Variants in PER2 observed in about 807,000 individuals in gnomAD.
PER2 encodes period circadian protein homolog 2.
A neutral mutation model predicts 121.0 loss-of-function variants in PER2; 66 were observed. That is an observed-to-expected ratio of 0.55 (90% confidence interval 0.45 to 0.67). PER2 has a LOEUF of 0.67. Among genes scored for constraint, PER2 ranks in the 30% least tolerant of loss-of-function variants. The probability of loss-of-function intolerance (pLI) is 0.00; values close to 1 mark genes in which losing one functional copy is unlikely to be tolerated. For synonymous variants in PER2, 684 were observed against 659.9 expected (o/e 1.04, Z -0.56); for missense variants, 1,521 against 1,635.0 (o/e 0.93, Z 1.20).
At chr2:238,294,933 T>C (rs552946348), upstream of PER2, among the ~76,000 whole-genome samples, 2 of 152,356 alleles carry the variant, frequency 1.3e-5, no homozygotes, top group South Asian at 4.1e-4. Context: ...CCACAAGGAC[T>C]CACAGGTGGG....
In PER2 at chr2:238,261,014, C is replaced by T. The variant is rs147031720; in HGVS notation, c.1417-61G>A. The T allele has an allele frequency of 3.3e-3, 5,281 of 1,580,960 alleles. 13 individuals are homozygous for T. The highest frequency in any genetic ancestry group is 4.2e-3 in the Non-Finnish European group (4,839 of 1,162,122). ...AGGGCTGCTGAGCTATGCATGTGGCCCCCTGCCAACACACCCTGTTTCGCA... is the reference window on the plus strand; with the variant it reads ...AGGGCTGCTGAGCTATGCATGTGGCTCCCTGCCAACACACCCTGTTTCGCA... On this transcript the variant is annotated intron_variant, in intron 12 of 22. Transcript: ENST00000254657.
At position 238,245,634 on chromosome 2, in the gene PER2, CAAG is replaced by C. The variant is rs2106359489; in HGVS notation, c.*738_*740del. 1 of 398,582 alleles carries C rather than the reference CAAG, an allele frequency of 2.5e-6. No homozygotes were observed. The highest frequency in any genetic ancestry group is 3.6e-5 in the East Asian group (1 of 28,082). The allele number at this position is 398,582 out of a possible 1,614,324, so 24.7% of individuals were successfully genotyped here. The stretch of plus-strand genomic sequence containing the variant: ...TGGCCATCATGGTCTGAAAAGGAGA[CAAG>C]AATAATGCAGAAATATACAGAGGGT... On this transcript the variant is annotated 3_prime_UTR_variant, in exon 23 of 23. Coordinates refer to ENST00000254657, the MANE Select transcript of PER2 (RefSeq NM_022817.3).
At chr2:238,297,622 C>T in the PER2 span, among the ~76,000 whole-genome samples, 1 of 152,310 alleles carries the variant, frequency 6.6e-6, no homozygotes, top group East Asian at 1.9e-4. Context: ...AGGGCAGTGG[C>T]AGACTGTGTG....
chr2:238,285,360 T>C (rs895554519), intron 1 of PER2, among the ~76,000 whole-genome samples: 2 of 151,386 alleles, frequency 1.3e-5, no homozygotes, highest in African/African-American at 4.9e-5. Flanking sequence ...GGGGAAGGAG[T>C]GGGGCCAGGA....
chr2:238,247,378 G>A (rs776246277), intron 22 of PER2: 13 of 152,396 alleles, frequency 8.5e-5, no homozygotes, highest in East Asian at 7.7e-4. Context: ...CTGCAAGTGA[G>A]GCTCCTGGAA....
At chr2:238,293,079 T>G (rs1017140463), upstream of PER2, among the ~76,000 whole-genome samples, 1 of 151,834 alleles carries the variant, frequency 6.6e-6, no homozygotes, top group Non-Finnish European at 1.5e-5. Context: ...TGCAGTGGGC[T>G]TTTAATCCAT....
At chr2:238,255,444 T>C (rs1404524892) in intron 18 of PER2, 4 of 630,856 alleles carry the variant, frequency 6.3e-6, no homozygotes, top group Non-Finnish European at 1.1e-5. Context: ...CCTGGGACTA[T>C]TCCCCAGGGA....
intron 21 of PER2, among the ~76,000 whole-genome samples, 191 bp downstream of exon 21, chr2:238,250,360 A>G (rs1382808889): frequency 3.9e-5 from 6 of 152,266 alleles, no homozygotes; most frequent in Non-Finnish European, 2.9e-5. Context: ...GCCACACTGC[A>G]GGGCCAGGGC....
chr2:238,289,445 C>G (rs1265090699), upstream of PER2: 1 of 152,242 alleles, frequency 6.6e-6, no homozygotes, highest in East Asian at 1.9e-4. Context: ...AGTGACCTTT[C>G]TTATTTTTGA....
upstream of PER2, chr2:238,288,984 G>C (rs891426389): frequency 6.6e-6 from 1 of 152,236 alleles, no homozygotes; most frequent in Non-Finnish European, 1.5e-5. Flanking sequence ...CCTCAATGGA[G>C]ACGCGGCGCG....
intron 4 of PER2, among the ~76,000 whole-genome samples, chr2:238,275,318 T>C (rs1421226312): frequency 6.6e-6 from 1 of 152,200 alleles, no homozygotes; most frequent in Non-Finnish European, 1.5e-5. Context: ...ACTGATGGTC[T>C]CTGCCTGCTC....
Position 238,280,376 on chromosome 2 carries a change from T to C in PER2, c.-19-2421A>G, listed in dbSNP as rs148162587. Among the ~76,000 whole-genome samples the C allele has an allele frequency of 2.7e-3, 413 of 152,260 alleles. 3 individuals are homozygous for C. Among genetic ancestry groups the C allele is most frequent in the African/African-American group, 8.9e-3 (369 of 41,562 alleles). ...AGACCTCGCCTTGTTCACAAACTAA[T>C]AAACAGAAGAAAGCCAACACGGGGC... On this transcript the variant is annotated intron_variant, in intron 1 of 22. Transcript: ENST00000254657.
At chr2:238,287,504 C>T (rs1017218303) in intron 1 of PER2, among the ~76,000 whole-genome samples, 1 of 152,178 alleles carries the variant, frequency 6.6e-6, no homozygotes, top group Non-Finnish European at 1.5e-5. Flanking sequence ...CTTTAGCCAC[C>T]GTGTGGGGTT....
chr2:238,256,444 A>G (rs1447424557), intron 17 of PER2, among the ~76,000 whole-genome samples: 1 of 152,240 alleles, frequency 6.6e-6, no homozygotes, highest in Non-Finnish European at 1.5e-5. Flanking sequence ...CATTTTAATC[A>G]TAATATTCTA....
chr2:238,269,075 T>G (rs1696202998), intron 6 of PER2, 101 bp from the exon 7 acceptor site: 4 of 955,404 alleles, frequency 4.2e-6, no homozygotes, highest in African/African-American at 1.6e-5. Context: ...CAAGCAAGAT[T>G]CAAGGTGAAA....
chr2:238,261,332 A>G (rs1030604502), intron 12 of PER2: 8 of 390,392 alleles, frequency 2.0e-5, no homozygotes, highest in African/African-American at 1.6e-4. Context: ...TGTGGGGTTG[A>G]CTGCAGTGGG....
intron 12 of PER2, 181 bp downstream of exon 12, chr2:238,261,548 T>C: frequency 1.6e-6 from 1 of 644,076 alleles, no homozygotes; most frequent in Non-Finnish European, 2.9e-6. Context: ...GAGCCAAGGG[T>C]ACTATGGACT....
chr2:238,247,151 A>C (rs1445960241), intron 22 of PER2: 1 of 152,418 alleles, frequency 6.6e-6, no homozygotes, highest in Non-Finnish European at 1.5e-5. Flanking sequence ...GTGGGGCCTA[A>C]TTCCTTTCTC....
Position 238,250,746 on chromosome 2 carries a change from T to C in PER2, c.3275-3A>G. 1 of 1,608,384 alleles carries C rather than the reference T, an allele frequency of 6.2e-7. No individual in the cohort carries two copies. Among genetic ancestry groups the C allele is most frequent in the Non-Finnish European group, 8.5e-7 (1 of 1,174,904 alleles). On this transcript the variant is annotated splice_polypyrimidine_tract_variant and splice_region_variant and intron_variant, in intron 20 of 22. Transcript: ENST00000254657. ...GGTATGACTTGTGTCACTACTGCCTTTAAAAACAAAAAACGTGGTGCGTCA... is the reference window on the plus strand; with the variant it reads ...GGTATGACTTGTGTCACTACTGCCTCTAAAAACAAAAAACGTGGTGCGTCA...
Sources: allele counts gnomAD v4.1 joint callset (sites outside exome capture counted in the v4.1 genomes callset), GRCh38; gene constraint gnomAD v4.1.1; transcripts MANE v1.5; gene names NCBI Gene and HGNC (gene_info 2026-07-23, HGNC 2026-07-21).